Variants in DPYSL3 observed in about 807,000 individuals in gnomAD.
DPYSL3 encodes the protein dihydropyrimidinase like 3, also known as dihydropyrimidinase-related protein 3.
In DPYSL3, 16 loss-of-function variants were observed where a neutral mutation model predicts 66.1. The ratio of observed to expected loss-of-function variants is 0.24; its 90% CI spans 0.16 to 0.37. The LOEUF (loss-of-function observed/expected upper bound fraction) is 0.37. DPYSL3 is among the 10% of genes least tolerant of loss of function. DPYSL3 has a pLI of 1.00. For synonymous variants in DPYSL3, 338 were observed against 345.1 expected (o/e 0.98, Z 0.23); for missense variants, 738 against 916.2 (o/e 0.81, Z 2.51).
chr5:147,453,683 T>C, intron 1 of DPYSL3: 2 of 1,419,904 alleles, frequency 1.4e-6, no homozygotes, highest in African/African-American at 1.5e-5. Context: ...CGAGATCAGG[T>C]GGAGTGAATG....
Position 147,418,628 on chromosome 5 carries a change from T to C in DPYSL3, c.474A>G (p.Gln158=), listed in dbSNP as rs748508790. 3 of 1,567,968 alleles carry C rather than the reference T, an allele frequency of 1.9e-6. No homozygotes were observed. Among genetic ancestry groups the C allele is most frequent in the Non-Finnish European group, 2.6e-6 (3 of 1,153,460 alleles). The change falls in exon 3 of 14, where the codon CAA becomes CAG. Residue 158 remains glutamine, a synonymous_variant. Coordinates refer to ENST00000343218, the MANE Select transcript of DPYSL3 (RefSeq NM_001197294.2). The part of the protein sequence containing the change: ...DIYMEDGLIK[Q]IGDNLIVPGG... Reference sequence around the variant, plus strand: ...CAGGAACAATCAGATTGTCTCCAATTTGTCTGGTGAAACAAACAAACAAAA... The same window carrying C: ...CAGGAACAATCAGATTGTCTCCAATCTGTCTGGTGAAACAAACAAACAAAA...
intron 1 of DPYSL3, among the ~76,000 whole-genome samples, chr5:147,494,552 G>T (rs1753469328): frequency 6.6e-6 from 1 of 151,620 alleles, no homozygotes; most frequent in Admixed American, 6.6e-5. Context: ...CATCACTATA[G>T]AGCTTATGGA....
chr5:147,480,463 C>T (rs551976763), intron 1 of DPYSL3, among the ~76,000 whole-genome samples: 1 of 152,228 alleles, frequency 6.6e-6, no homozygotes, highest in Admixed American at 6.5e-5. Flanking sequence ...TATCAAATCC[C>T]CTCTGTCTGA....
chr5:147,407,903 G>C (rs77626066), intron 7 of DPYSL3, among the ~76,000 whole-genome samples: 2,979 of 152,102 alleles, frequency 0.02, 94 homozygotes, highest in African/African-American at 0.068. Flanking sequence ...AAGTGTATCT[G>C]GTTTGTGAAA....
In DPYSL3 at chr5:147,406,991, G is replaced by A. The variant is rs187259292; in HGVS notation, c.1033-1261C>T. Among the ~76,000 whole-genome samples, 8 of 152,264 alleles carry A rather than the reference G, an allele frequency of 5.3e-5. No homozygotes were observed. In the East Asian group the frequency reaches 1.5e-3, roughly 29 times the overall value. ...AGGCCCCTGGTCATATGTGAATATGGACACCTTCCTGAAGCACCCAGAATT... is the reference window on the plus strand; with the variant it reads ...AGGCCCCTGGTCATATGTGAATATGAACACCTTCCTGAAGCACCCAGAATT... On this transcript the variant is annotated intron_variant, in intron 7 of 13. Coordinates refer to ENST00000343218, the MANE Select transcript of DPYSL3 (RefSeq NM_001197294.2).
intron 1 of DPYSL3, among the ~76,000 whole-genome samples, chr5:147,470,431 G>C (rs1335957317): frequency 6.6e-6 from 1 of 152,022 alleles, no homozygotes; most frequent in Admixed American, 6.6e-5. Context: ...CTCAGTGCTT[G>C]GTCCTTTCCC....
Position 147,405,696 on chromosome 5 carries a change from A to G in DPYSL3, c.1067T>C (p.Ile356Thr), listed in dbSNP as rs1758309106. ...EAEAVFRAIT[I>T]ASQTNCPLYV... is the part of the protein sequence containing the mutation. ...GAGAGGGCAATTGGTTTGGCTGGCAATGGTGATGGCACGGAACACAGCCTC... is the reference window on the plus strand; with the variant it reads ...GAGAGGGCAATTGGTTTGGCTGGCAGTGGTGATGGCACGGAACACAGCCTC... The change falls in exon 8 of 14, where the codon ATT (isoleucine) becomes ACT (threonine). Residue 356 changes from isoleucine to threonine, a missense_variant. Ile to Thr is a moderately conservative substitution (Grantham distance 89, BLOSUM62 -1). Coordinates refer to ENST00000343218, the MANE Select transcript of DPYSL3 (RefSeq NM_001197294.2). 1 of 1,614,080 alleles carries G rather than the reference A, an allele frequency of 6.2e-7. No individual in the cohort carries two copies. Among genetic ancestry groups the G allele is most frequent in the African/African-American group, 1.3e-5 (1 of 75,060 alleles).
chr5:147,403,341 G>A (rs1165232210), intron 8 of DPYSL3, among the ~76,000 whole-genome samples: 1 of 152,112 alleles, frequency 6.6e-6, no homozygotes. Flanking sequence ...AACTACTATT[G>A]AAAGAAATAG....
At chr5:147,420,202 C>A (rs1561781053) in intron 2 of DPYSL3, among the ~76,000 whole-genome samples, 1 of 152,122 alleles carries the variant, frequency 6.6e-6, no homozygotes, top group African/African-American at 2.4e-5. Flanking sequence ...ATAACCTTGG[C>A]CAAATTACCT....
rs568466005 is a variant in DPYSL3 at position 147,417,828 on chromosome 5, C to T, written c.655+619G>A. Among the ~76,000 whole-genome samples, 22 of 152,286 alleles carry T rather than the reference C, an allele frequency of 1.4e-4. No homozygotes were observed. In the South Asian group the frequency reaches 4.3e-3, roughly 30 times the overall value. ...TTAAAGATATGAATTGGTCAAAATA[C>T]AGCGCAGACCATAAGCACTAAATGC... is the stretch of plus-strand genomic sequence containing the variant. On this transcript the variant is annotated intron_variant, in intron 3 of 13. Transcript: ENST00000343218.
At chr5:147,428,361 G>C (rs1404448271) in intron 1 of DPYSL3, among the ~76,000 whole-genome samples, 1 of 152,030 alleles carries the variant, frequency 6.6e-6, no homozygotes, top group Admixed American at 6.6e-5. Context: ...AGCTTGCCCT[G>C]CTATCCTCCC....
chr5:147,391,624 T>A lies in DPYSL3; in HGVS notation c.*2411A>T, dbSNP rs1313236898. On this transcript the variant is annotated 3_prime_UTR_variant, in exon 14 of 14. Coordinates refer to ENST00000343218, the MANE Select transcript of DPYSL3 (RefSeq NM_001197294.2). Reference sequence around the variant, plus strand: ...GCCGGGACTCACCATTGTTTTCTTTTCCTAAACCTTTTGTATAGGCCTGTT... The same window carrying A: ...GCCGGGACTCACCATTGTTTTCTTTACCTAAACCTTTTGTATAGGCCTGTT... 2.6e-5 allele frequency: 4 copies of A among 152,356 alleles called. No individual in the cohort carries two copies. In the East Asian group the frequency reaches 7.7e-4, roughly 29 times the overall value. The allele number at this position is 152,356 out of a possible 1,614,324, so 9.4% of individuals were successfully genotyped here.
At chr5:147,454,703 C>T (rs926664200) in intron 1 of DPYSL3, among the ~76,000 whole-genome samples, 1 of 152,324 alleles carries the variant, frequency 6.6e-6, no homozygotes, top group South Asian at 2.1e-4. Context: ...ACGTGCACTG[C>T]TCACAATCCC....
At chr5:147,490,665 T>G (rs1296274325) in intron 1 of DPYSL3, among the ~76,000 whole-genome samples, 1 of 151,962 alleles carries the variant, frequency 6.6e-6, no homozygotes, top group Non-Finnish European at 1.5e-5. Context: ...GGCAGAGAAG[T>G]GAGGTCACAG....
chr5:147,422,967 G>T (rs1273697477), intron 2 of DPYSL3, among the ~76,000 whole-genome samples: 1 of 152,008 alleles, frequency 6.6e-6, no homozygotes, highest in Non-Finnish European at 1.5e-5. Context: ...AAACCTGCAC[G>T]TTCTGCACAT....
chr5:147,473,605 C>CTGTTA (rs1554116358), intron 1 of DPYSL3, among the ~76,000 whole-genome samples: 1 of 152,022 alleles, frequency 6.6e-6, no homozygotes, highest in Non-Finnish European at 1.5e-5. Context: ...TTTGGGGGTT[C>CTGTTA]TGTTTTGTTT....
intron 2 of DPYSL3, among the ~76,000 whole-genome samples, chr5:147,421,159 C>T (rs1752069685): frequency 6.6e-6 from 1 of 152,212 alleles, no homozygotes; most frequent in South Asian, 2.1e-4. Context: ...TAAGCAACTT[C>T]AGCAAAGTCT....
At chr5:147,429,851 A>G (rs2126342926) in intron 1 of DPYSL3, among the ~76,000 whole-genome samples, 1 of 152,310 alleles carries the variant, frequency 6.6e-6, no homozygotes, top group Non-Finnish European at 1.5e-5. Context: ...TCTCTCAGGT[A>G]GGTAGCTTTA....
Position 147,509,343 on chromosome 5 carries a change from G to C in DPYSL3, c.381+135C>G, listed in dbSNP as rs1159355906. 1 of 1,221,932 alleles carries C rather than the reference G, an allele frequency of 8.2e-7. No homozygotes were observed. Among genetic ancestry groups the C allele is most frequent in the Non-Finnish European group, 1.1e-6 (1 of 909,322 alleles). 75.7% of individuals were successfully genotyped at this position (1,221,932 alleles called of 1,614,324 possible). Reference sequence around the variant, plus strand: ...CTAGGAAGTCGCGCTACGCTCAGTGGAGGATGACCCTTTCCTCCTCCTTGT... The same window carrying C: ...CTAGGAAGTCGCGCTACGCTCAGTGCAGGATGACCCTTTCCTCCTCCTTGT... On this transcript the variant is annotated intron_variant, in intron 1 of 13. Coordinates refer to ENST00000343218, the MANE Select transcript of DPYSL3 (RefSeq NM_001197294.2). The surrounding 1 kb of genome is among the most constrained non-coding windows in gnomAD (Gnocchi z 5.3).
Sources: gnomAD v4.1 joint callset for allele counts (sites outside exome capture counted in the v4.1 genomes callset) on GRCh38, gnomAD v4.1.1 for gene constraint, Gnocchi (gnomAD v3.1) non-coding constraint, MANE v1.5 for transcripts, NCBI Gene and HGNC (gene_info 2026-07-23, HGNC 2026-07-21) for gene names.